MLLT1: variants seen among roughly 807,000 people sequenced by gnomAD.
MLLT1 encodes the protein protein ENL.
Under a neutral mutation model 55.1 loss-of-function variants are expected in MLLT1, and 11 were observed. The ratio of observed to expected loss-of-function variants is 0.20; its 90% CI spans 0.13 to 0.33. The LOEUF (loss-of-function observed/expected upper bound fraction) is 0.33. Ranked by LOEUF, MLLT1 falls within the 10% of genes least tolerant of loss-of-function variation. The probability of loss-of-function intolerance (pLI) is 1.00; values close to 1 mark genes in which losing one functional copy is unlikely to be tolerated. For missense variants in MLLT1, 536 were observed against 760.6 expected (o/e 0.70, Z 3.47); for synonymous variants, 323 against 320.1 (o/e 1.01, Z -0.10).
In MLLT1 at chr19:6,213,808, C is replaced by A; in HGVS notation, c.1408-11G>T. 6.2e-7 allele frequency: 1 copy of A among 1,613,306 alleles called. No individual in the cohort carries two copies. Among genetic ancestry groups the A allele is most frequent in the Non-Finnish European group, 8.5e-7 (1 of 1,179,584 alleles). Reference sequence around the variant, plus strand: ...CCTCCGGCCTGACACCTGCAGGGAACCCAGGTCTCTGCTGAGCTGTGGCCC... The same window carrying A: ...CCTCCGGCCTGACACCTGCAGGGAAACCAGGTCTCTGCTGAGCTGTGGCCC... On this transcript the variant is annotated splice_polypyrimidine_tract_variant and intron_variant, in intron 9 of 11. Transcript: ENST00000252674.
In MLLT1 at chr19:6,212,651, C is replaced by A; in HGVS notation, c.*391G>T. The A allele has an allele frequency of 9.0e-7, 1 of 1,110,436 alleles. No homozygotes were observed. The highest frequency in any genetic ancestry group is 4.8e-5 in the East Asian group (1 of 21,042). 68.8% of individuals were successfully genotyped at this position (1,110,436 alleles called of 1,614,324 possible). On this transcript the variant is annotated 3_prime_UTR_variant, in exon 12 of 12. Transcript: ENST00000252674. The stretch of plus-strand genomic sequence containing the variant: ...TGAACCATTCGGGAGGCTGGAGATG[C>A]CCCCCAGCCGTCGATCCGCTGCTCA...
At chr19:6,265,666 G>C (rs556616156) in intron 2 of MLLT1, among the ~76,000 whole-genome samples, 10 of 150,288 alleles carry the variant, frequency 6.7e-5, no homozygotes, top group African/African-American at 2.2e-4. Context: ...GTGAAACTCT[G>C]TTTCAACAAC....
At position 6,222,205 on chromosome 19, in the gene MLLT1, C is replaced by T. The variant is rs1163273466; in HGVS notation, c.1026G>A (p.Lys342=). ...DKSSTRGEKV[K]AESEPREAKK... ...TGGCCTCCCGGGGCTCACTCTCGGC[C>T]TTCACCTTCTCCCCTCTGGTGCTGC... Residue 342 remains lysine, a synonymous_variant, in exon 6 of 12, where the codon AAG becomes AAA. Coordinates refer to ENST00000252674, the MANE Select transcript of MLLT1 (RefSeq NM_005934.4). This position sits in a 1 kb window ranked among gnomAD's most constrained non-coding sequence, Gnocchi z 4.1. 6.2e-7 allele frequency: 1 copy of T among 1,610,534 alleles called. No individual in the cohort carries two copies. The highest frequency in any genetic ancestry group is 8.5e-7 in the Non-Finnish European group (1 of 1,178,264).
At chr19:6,232,962 C>G (rs1176893313) in intron 3 of MLLT1, among the ~76,000 whole-genome samples, 1 of 152,132 alleles carries the variant, frequency 6.6e-6, no homozygotes, top group East Asian at 1.9e-4. Context: ...CTGAGAAGCT[C>G]GAGACATCAC....
chr19:6,243,630 C>T (rs143735433), intron 3 of MLLT1, among the ~76,000 whole-genome samples: 1 of 149,160 alleles, frequency 6.7e-6, no homozygotes, highest in East Asian at 1.9e-4. Context: ...AGCAGCTCTG[C>T]CCACCCAGCT....
At chr19:6,265,122 T>C (rs1161001038) in intron 2 of MLLT1, among the ~76,000 whole-genome samples, 1 of 143,586 alleles carries the variant, frequency 7.0e-6, no homozygotes, top group Non-Finnish European at 1.5e-5. Context: ...ACATCCTAAA[T>C]GTTTCCACAG....
At chr19:6,214,371 G>C (rs370027729) in intron 8 of MLLT1, among the ~76,000 whole-genome samples, 41 of 152,312 alleles carry the variant, frequency 2.7e-4, no homozygotes, top group African/African-American at 8.7e-4. Flanking sequence ...CTTTAACAAG[G>C]GGAGGAGGAG....
chr19:6,278,848 G>A (rs1417061481), intron 1 of MLLT1, among the ~76,000 whole-genome samples: 68 of 152,190 alleles, frequency 4.5e-4, no homozygotes, highest in Admixed American at 4.4e-3. Flanking sequence ...CCGAGGGAGA[G>A]TGACCAGGGC....
chr19:6,214,058 C>A lies in MLLT1; in HGVS notation c.1308-20G>T. ...CTCAACCTGAACCGACACACGGGGG[C>A]GCATCAGGCCCCTGCCGCCACCACG... is the stretch of plus-strand genomic sequence containing the variant. On this transcript the variant is annotated intron_variant, in intron 8 of 11. Coordinates refer to ENST00000252674, the MANE Select transcript of MLLT1 (RefSeq NM_005934.4). 3 of 1,390,174 alleles carry A rather than the reference C, an allele frequency of 2.2e-6. No individual in the cohort carries two copies. Among genetic ancestry groups the A allele is most frequent in the Non-Finnish European group, 2.8e-6 (3 of 1,066,604 alleles). The allele number at this position is 1,390,174 out of a possible 1,614,324, so 86.1% of individuals were successfully genotyped here. A position where few individuals can be genotyped will look rare whatever the true frequency, so the allele number is the denominator to read the frequency against.
intron 3 of MLLT1, among the ~76,000 whole-genome samples, chr19:6,254,021 G>A (rs754673836): frequency 2.0e-5 from 3 of 152,150 alleles, no homozygotes; most frequent in African/African-American, 7.2e-5. Flanking sequence ...CTTTTCGTTC[G>A]TTCATGAGGT....
At chr19:6,254,133 A>AGGGCAG (rs2091240217) in intron 3 of MLLT1, among the ~76,000 whole-genome samples, 1 of 152,048 alleles carries the variant, frequency 6.6e-6, no homozygotes, top group Admixed American at 6.6e-5. Flanking sequence ...CCACCCCCTG[A>AGGGCAG]CCTCTTAGGG....
chr19:6,223,275 C>T (rs1239401604), intron 5 of MLLT1, among the ~76,000 whole-genome samples: 2 of 152,238 alleles, frequency 1.3e-5, no homozygotes, highest in East Asian at 3.8e-4. Flanking sequence ...GCTGAGCGCC[C>T]ACTGGGTCCC....
In MLLT1 at chr19:6,222,081, C is replaced by T. The variant is rs762557588; in HGVS notation, c.1110+40G>A. The stretch of plus-strand genomic sequence containing the variant: ...CAGAAGGGAGGCGGGTCCCACCACA[C>T]TGCCTGCACCTGGCTGCCCTGCCCC... On this transcript the variant is annotated intron_variant, in intron 6 of 11. Coordinates refer to ENST00000252674, the MANE Select transcript of MLLT1 (RefSeq NM_005934.4). The surrounding 1 kb of genome is among the most constrained non-coding windows in gnomAD (Gnocchi z 4.1). 10 of 1,438,534 alleles carry T rather than the reference C, an allele frequency of 7.0e-6. No homozygotes were observed. The highest frequency in any genetic ancestry group is 1.6e-5 in the South Asian group (1 of 63,418). The allele number at this position is 1,438,534 out of a possible 1,614,324, so 89.1% of individuals were successfully genotyped here. A position where few individuals can be genotyped will look rare whatever the true frequency, so the allele number is the denominator to read the frequency against.
chr19:6,253,937 T>C (rs1476231603), intron 3 of MLLT1, among the ~76,000 whole-genome samples: 1 of 152,216 alleles, frequency 6.6e-6, no homozygotes, highest in Non-Finnish European at 1.5e-5. Context: ...TTTGTTTTAA[T>C]ATTGGGTCTT....
chr19:6,227,977 T>C lies in MLLT1; in HGVS notation c.421-875A>G, dbSNP rs2090970708. ...GTAGAAGAAGCACTGCTAACAGCCT[T>C]GAGCACCTGCAGTTCCCGGCCAGCC... On this transcript the variant is annotated intron_variant, in intron 4 of 11. Coordinates refer to ENST00000252674, the MANE Select transcript of MLLT1 (RefSeq NM_005934.4). This position sits in a 1 kb window ranked among gnomAD's most constrained non-coding sequence, Gnocchi z 5.1. 6.6e-6 allele frequency among the ~76,000 whole-genome samples: 1 copy of C among 152,166 alleles called. No homozygotes were observed. Among genetic ancestry groups the C allele is most frequent in the African/African-American group, 2.4e-5 (1 of 41,434 alleles).
chr19:6,220,479 A>G (rs1386814831), intron 6 of MLLT1, among the ~76,000 whole-genome samples: 1 of 152,244 alleles, frequency 6.6e-6, no homozygotes, highest in African/African-American at 2.4e-5. Context: ...AAGGCCACCC[A>G]GCCACTCTAA....
At chr19:6,218,102 G>C in intron 6 of MLLT1, 61 bp from the exon 7 acceptor site, 1 of 1,535,582 alleles carries the variant, frequency 6.5e-7, no homozygotes, top group Non-Finnish European at 8.8e-7. Context: ...CCTTTCAGCA[G>C]AGACAAAGGG....
rs1006782453 is a variant in MLLT1 at position 6,226,120 on chromosome 19, T to C, written c.546+857A>G. ...AGTCTGTGAGGCAGCTGGAGAGCCC[T>C]GCCTGTCCTGCCTGGGATGGCTGGG... is the stretch of plus-strand genomic sequence containing the variant. On this transcript the variant is annotated intron_variant, in intron 5 of 11. Transcript: ENST00000252674. This position sits in a 1 kb window ranked among gnomAD's most constrained non-coding sequence, Gnocchi z 6.3. 6.6e-6 allele frequency among the ~76,000 whole-genome samples: 1 copy of C among 152,228 alleles called. No individual in the cohort carries two copies. Among genetic ancestry groups the C allele is most frequent in the Admixed American group, 6.5e-5 (1 of 15,284 alleles).
rs1037519442 is a variant in MLLT1 at position 6,231,556 on chromosome 19, G to A, written c.277-843C>T. 2.6e-5 allele frequency among the ~76,000 whole-genome samples: 4 copies of A among 151,898 alleles called. No individual in the cohort carries two copies. Among genetic ancestry groups the A allele is most frequent in the Non-Finnish European group, 5.9e-5 (4 of 67,984 alleles). ...AGATGGAGTCTTGCTCTGTTGCCCA[G>A]GCTGGAGTGCAGTGGCGCGATCTCG... On this transcript the variant is annotated intron_variant, in intron 3 of 11. Transcript: ENST00000252674. The surrounding 1 kb of genome is among the most constrained non-coding windows in gnomAD (Gnocchi z 5.1).
Sources: allele counts gnomAD v4.1 joint callset (sites outside exome capture counted in the v4.1 genomes callset), GRCh38; gene constraint gnomAD v4.1.1; non-coding constraint Gnocchi (gnomAD v3.1); transcripts MANE v1.5; gene names NCBI Gene and HGNC (gene_info 2026-07-23, HGNC 2026-07-21).